Variants in CTTN observed in about 807,000 individuals in gnomAD.
The protein encoded by CTTN is src substrate cortactin.
In CTTN, 28 loss-of-function variants were observed where a neutral mutation model predicts 84.0. That is an observed-to-expected ratio of 0.33 (90% CI 0.25 to 0.46). The LOEUF (loss-of-function observed/expected upper bound fraction) is 0.46, where lower values mean the gene tolerates loss of function less well. Among genes scored for constraint, CTTN ranks in the 20% least tolerant of loss-of-function variants. CTTN has a pLI of 1.00. For synonymous variants in CTTN, 301 were observed against 288.8 expected (o/e 1.04, Z -0.43); for missense variants, 641 against 723.8 (o/e 0.89, Z 1.31).
At chr11:70,412,038 TC>T (rs138969225) in intron 5 of CTTN, among the ~76,000 whole-genome samples, 1,851 of 151,896 alleles carry the variant, frequency 0.012, 38 homozygotes, top group African/African-American at 0.041. Flanking sequence ...GCAGGGCGAG[TC>T]CAGCAAGGGA....
intron 10 of CTTN, among the ~76,000 whole-genome samples, chr11:70,421,143 A>G (rs1268067897): frequency 1.3e-5 from 2 of 152,344 alleles, no homozygotes; most frequent in South Asian, 2.1e-4. Context: ...CCGTGTACAC[A>G]GATACGCACA....
chr11:70,432,895 A>C (rs555161046), intron 15 of CTTN, among the ~76,000 whole-genome samples: 1 of 152,296 alleles, frequency 6.6e-6, no homozygotes, highest in African/African-American at 2.4e-5. Context: ...CCGGGTCATC[A>C]TCGGGAAGGA....
intron 13 of CTTN, among the ~76,000 whole-genome samples, chr11:70,425,762 A>G (rs1425527510): frequency 1.3e-5 from 2 of 152,194 alleles, no homozygotes; most frequent in Non-Finnish European, 2.9e-5. Flanking sequence ...CAGCTGTGAC[A>G]GGAGGAAGAC....
At position 70,431,284 on chromosome 11, in the gene CTTN, G is replaced by C; in HGVS notation, c.1266+4G>C. On this transcript the variant is annotated splice_donor_region_variant and intron_variant, in intron 15 of 17. Transcript: ENST00000301843. ...GCCCTCGAGCCCCGTCTATGAGGTTGGTGTCTTTGGTGTTTGAATGAGCGT... is the reference window on the plus strand; with the variant it reads ...GCCCTCGAGCCCCGTCTATGAGGTTCGTGTCTTTGGTGTTTGAATGAGCGT... 1 of 1,614,024 alleles carries C rather than the reference G, an allele frequency of 6.2e-7. No individual in the cohort carries two copies. The highest frequency in any genetic ancestry group is 8.5e-7 in the Non-Finnish European group (1 of 1,179,918).
intron 15 of CTTN, among the ~76,000 whole-genome samples, chr11:70,432,085 C>T (rs2058359362): frequency 6.6e-6 from 1 of 152,172 alleles, no homozygotes; most frequent in Non-Finnish European, 1.5e-5. Flanking sequence ...CAGGCCGGGT[C>T]TGGGATCTGG....
intron 7 of CTTN, chr11:70,416,771 C>G (rs2058166573): frequency 2.2e-6 from 1 of 459,180 alleles, no homozygotes; most frequent in South Asian, 3.2e-5. Context: ...AGCGTCATTT[C>G]TGACTACACA....
At chr11:70,427,030 A>G (rs193143668) in intron 13 of CTTN, among the ~76,000 whole-genome samples, 17 of 151,710 alleles carry the variant, frequency 1.1e-4, no homozygotes, top group Admixed American at 1.1e-3. Context: ...GCGACATTGG[A>G]AAGTTATTAA....
chr11:70,430,865 G>T (rs1054674622), intron 14 of CTTN, among the ~76,000 whole-genome samples: 1 of 151,594 alleles, frequency 6.6e-6, no homozygotes, highest in African/African-American at 2.4e-5. Context: ...GTGTGATCTC[G>T]GCCTCAGAGC....
chr11:70,406,613 A>AT (rs989259268), intron 2 of CTTN, among the ~76,000 whole-genome samples: 1 of 152,078 alleles, frequency 6.6e-6, no homozygotes, highest in Admixed American at 6.6e-5. Flanking sequence ...ATTGTTCTGT[A>AT]TAACAGAGAA....
intron 11 of CTTN, 113 bp downstream of exon 11, chr11:70,421,693 A>C: frequency 1.4e-6 from 1 of 735,748 alleles, no homozygotes; most frequent in Non-Finnish European, 2.4e-6. Context: ...CTGTGTCACC[A>C]CTTGTCAGCT....
At chr11:70,417,371 A>T (rs540636233) in intron 8 of CTTN, among the ~76,000 whole-genome samples, 1 of 151,408 alleles carries the variant, frequency 6.6e-6, no homozygotes, top group Non-Finnish European at 1.5e-5. Context: ...TTATTTATTT[A>T]TTTATTTTTG....
At chr11:70,423,647 G>A (rs747927030) in intron 12 of CTTN, among the ~76,000 whole-genome samples, 6 of 152,214 alleles carry the variant, frequency 3.9e-5, no homozygotes, top group Non-Finnish European at 7.4e-5. Flanking sequence ...AGGAGACCAC[G>A]GAGGGGCGAG....
intron 17 of CTTN, 56 bp downstream of exon 17, chr11:70,433,774 T>C: frequency 9.0e-7 from 1 of 1,106,110 alleles, no homozygotes; most frequent in Admixed American, 1.7e-5. Context: ...CGCCTGCCTC[T>C]GCTTGTTTTC....
At chr11:70,412,475 G>T (rs1591436254) in intron 5 of CTTN, among the ~76,000 whole-genome samples, 1 of 152,132 alleles carries the variant, frequency 6.6e-6, no homozygotes, top group East Asian at 1.9e-4. Flanking sequence ...AACGGCTTAA[G>T]TTATTTGTAA....
intron 7 of CTTN, 109 bp downstream of exon 7, chr11:70,415,826 C>T (rs1455805189): frequency 1.6e-5 from 17 of 1,048,932 alleles, no homozygotes; most frequent in Non-Finnish European, 2.4e-5. Flanking sequence ...TGGGGAGAGT[C>T]ACAGCCACCT....
In CTTN at chr11:70,403,186, CTTTTTT is replaced by C. The variant is rs1209259210; in HGVS notation, c.-97-2063_-97-2058del. The stretch of plus-strand genomic sequence containing the variant: ...CCTTTTTATTGAATTATAAGAGTTC[CTTTTTT>C]TTTTTTTTTTTTTTTGAGATGGAGT... On this transcript the variant is annotated intron_variant, in intron 1 of 17. Transcript: ENST00000301843. Among the ~76,000 whole-genome samples the C allele has an allele frequency of 1.7e-3, 192 of 114,700 alleles. 2 individuals are homozygous for C. In the East Asian group the frequency reaches 0.037, roughly 22 times the overall value. The allele number at this position is 114,700 out of a possible 152,430, so 75.2% of individuals were successfully genotyped here.
At chr11:70,433,058 G>C (rs1200360007) in intron 15 of CTTN, 43 bp from the exon 16 acceptor site, 1 of 1,593,522 alleles carries the variant, frequency 6.3e-7, no homozygotes, top group Admixed American at 1.7e-5. Context: ...CTCTCTAGAA[G>C]CCAGCATGGG....
At chr11:70,429,362 T>C (rs534245109) in intron 14 of CTTN, among the ~76,000 whole-genome samples, 163 bp downstream of exon 14, 3 of 152,308 alleles carry the variant, frequency 2.0e-5, no homozygotes, top group Admixed American at 1.3e-4. Context: ...ACTTGTCACT[T>C]GCAGCCACAC....
At chr11:70,400,335 T>C (rs2057962489) in intron 1 of CTTN, among the ~76,000 whole-genome samples, 1 of 152,090 alleles carries the variant, frequency 6.6e-6, no homozygotes, top group South Asian at 2.1e-4. Context: ...GCATGTTGGC[T>C]TGCACCTGTT....
Sources: gnomAD v4.1 joint callset for allele counts (sites outside exome capture counted in the v4.1 genomes callset) on GRCh38, gnomAD v4.1.1 for gene constraint, MANE v1.5 for transcripts, NCBI Gene and HGNC (gene_info 2026-07-23, HGNC 2026-07-21) for gene names.